Variants in PLCB4 observed in about 807,000 individuals in gnomAD.
The protein encoded by PLCB4 is 1-phosphatidylinositol 4,5-bisphosphate phosphodiesterase beta-4.
In PLCB4, 77 loss-of-function variants were observed where a neutral mutation model predicts 178.8. The ratio of observed to expected loss-of-function variants is 0.43; its 90% CI spans 0.36 to 0.52. The LOEUF is 0.52. Among genes scored for constraint, PLCB4 ranks in the 20% least tolerant of loss-of-function variants. PLCB4 has a pLI of 0.00. For missense variants in PLCB4, 1,024 were observed against 1,453.4 expected (o/e 0.70, Z 4.80); for synonymous variants, 496 against 490.8 (o/e 1.01, Z -0.14).
At chr20:9,202,457 AG>A (rs2093558840) in intron 2 of PLCB4, among the ~76,000 whole-genome samples, 1 of 152,230 alleles carries the variant, frequency 6.6e-6, no homozygotes, top group Admixed American at 6.5e-5. Context: ...TAAATGTCCT[AG>A]GTGGGTGATC....
intron 33 of PLCB4, among the ~76,000 whole-genome samples, chr20:9,454,612 T>C (rs1194544959): frequency 6.6e-6 from 1 of 152,208 alleles, no homozygotes; most frequent in African/African-American, 2.4e-5. Context: ...ACCCAAGATA[T>C]ACCTAGAAAA....
intron 7 of PLCB4, among the ~76,000 whole-genome samples, chr20:9,353,974 C>G (rs1037886550): frequency 1.3e-5 from 2 of 152,250 alleles, no homozygotes; most frequent in African/African-American, 4.8e-5. Context: ...CCCAAGAAGC[C>G]CAGATCTTCC....
At chr20:9,082,342 GAAAGAAC>G (rs1449550107) in intron 1 of PLCB4, among the ~76,000 whole-genome samples, 4 of 152,060 alleles carry the variant, frequency 2.6e-5, no homozygotes, top group African/African-American at 9.7e-5. Context: ...TACTGTTTTT[GAAAGAAC>G]ATGTTTTATA....
At chr20:9,135,994 G>A (rs1405678462) in intron 2 of PLCB4, among the ~76,000 whole-genome samples, 1 of 152,142 alleles carries the variant, frequency 6.6e-6, no homozygotes, top group Admixed American at 6.6e-5. Context: ...ATTATTTGAT[G>A]AAGTTTACAG....
At chr20:9,393,735 A>C in intron 18 of PLCB4, 57 bp downstream of exon 18, 1 of 1,129,726 alleles carries the variant, frequency 8.9e-7, no homozygotes, top group South Asian at 1.3e-5. Flanking sequence ...TGGACATTTC[A>C]GCTGTTGAGA....
chr20:9,246,580 G>C (rs940301540), intron 3 of PLCB4, among the ~76,000 whole-genome samples: 14 of 151,736 alleles, frequency 9.2e-5, no homozygotes, highest in African/African-American at 3.4e-4. Flanking sequence ...TTTTGGTAAG[G>C]CTTTGGCATC....
intron 19 of PLCB4, among the ~76,000 whole-genome samples, chr20:9,401,284 C>T (rs2039003915): frequency 6.6e-6 from 1 of 152,104 alleles, no homozygotes; most frequent in Non-Finnish European, 1.5e-5. Context: ...AGAAATAATA[C>T]ATAACAAGAT....
intron 28 of PLCB4, among the ~76,000 whole-genome samples, chr20:9,434,235 T>TA (rs1364476644): frequency 1.3e-5 from 2 of 152,222 alleles, no homozygotes; most frequent in Non-Finnish European, 2.9e-5. Context: ...TTTGGAGTTT[T>TA]AAAAAATATC....
chr20:9,279,673 CCAAGTAAGA>C (rs1420364448), intron 3 of PLCB4, among the ~76,000 whole-genome samples: 3 of 151,806 alleles, frequency 2.0e-5, no homozygotes, highest in Non-Finnish European at 4.4e-5. Context: ...TTTTTTAAAT[CCAAGTAAGA>C]TATTTTAAAA....
chr20:9,338,374 T>G (rs2032760173), intron 6 of PLCB4, among the ~76,000 whole-genome samples: 1 of 151,740 alleles, frequency 6.6e-6, no homozygotes, highest in Non-Finnish European at 1.5e-5. Context: ...ACAAAGACCC[T>G]CATATCTAGT....
chr20:9,237,097 C>A (rs1109361), intron 3 of PLCB4, among the ~76,000 whole-genome samples: 5,845 of 152,186 alleles, frequency 0.038, 152 homozygotes, highest in South Asian at 0.057. Flanking sequence ...GACGGCTTTT[C>A]TGTATTATAC....
intron 35 of PLCB4, among the ~76,000 whole-genome samples, chr20:9,465,983 C>T (rs2043755768): frequency 6.6e-6 from 1 of 152,170 alleles, no homozygotes; most frequent in Admixed American, 6.5e-5. Flanking sequence ...CCAAGACAAT[C>T]CTAAGCAAAA....
intron 4 of PLCB4, among the ~76,000 whole-genome samples, chr20:9,308,280 G>C (rs1429317485): frequency 1.3e-5 from 2 of 152,188 alleles, no homozygotes; most frequent in Non-Finnish European, 2.9e-5. Flanking sequence ...AAATGTAATA[G>C]TGATTGAACT....
chr20:9,078,038 G>C (rs1265105062), intron 1 of PLCB4, among the ~76,000 whole-genome samples: 3 of 152,094 alleles, frequency 2.0e-5, no homozygotes, highest in Admixed American at 2.0e-4. Flanking sequence ...CTAGAGTGTA[G>C]TGATGCCATT....
chr20:9,411,904 A>G (rs1484710207), intron 25 of PLCB4, among the ~76,000 whole-genome samples: 1 of 152,122 alleles, frequency 6.6e-6, no homozygotes, highest in African/African-American at 2.4e-5. Flanking sequence ...GGCTCACCTG[A>G]TTGGATATCT....
intron 2 of PLCB4, among the ~76,000 whole-genome samples, chr20:9,157,236 T>C (rs1279401929): frequency 1.3e-5 from 2 of 150,650 alleles, no homozygotes; most frequent in African/African-American, 4.9e-5. Flanking sequence ...AAAAAAAAGA[T>C]AAATAAGAGA....
chr20:9,153,317 C>T (rs1319731238), intron 2 of PLCB4, among the ~76,000 whole-genome samples: 1 of 152,102 alleles, frequency 6.6e-6, no homozygotes, highest in Non-Finnish European at 1.5e-5. Context: ...ATCCAAAACT[C>T]AACTTGAATT....
intron 2 of PLCB4, among the ~76,000 whole-genome samples, chr20:9,204,750 G>A (rs2147207655): frequency 6.6e-6 from 1 of 152,214 alleles, no homozygotes; most frequent in South Asian, 2.1e-4. Flanking sequence ...GCCACTGGAT[G>A]GGACTGGGGA....
chr20:9,182,262 A>G (rs551362832), intron 2 of PLCB4, among the ~76,000 whole-genome samples: 1 of 152,240 alleles, frequency 6.6e-6, no homozygotes, highest in Admixed American at 6.5e-5. Flanking sequence ...CCCCATGTAA[A>G]GTGAGTAAAG....
Sources: gnomAD v4.1 joint callset for allele counts (sites outside exome capture counted in the v4.1 genomes callset) on GRCh38, gnomAD v4.1.1 for gene constraint, MANE v1.5 for transcripts, NCBI Gene and HGNC (gene_info 2026-07-23, HGNC 2026-07-21) for gene names.